GREM1: variants seen among roughly 807,000 people sequenced by gnomAD.
GREM1 encodes gremlin 1, DAN family BMP antagonist.
A neutral mutation model predicts 13.1 loss-of-function variants in GREM1; 6 were observed. That is an observed-to-expected ratio of 0.46 (90% confidence interval 0.25 to 0.91). The LOEUF (loss-of-function observed/expected upper bound fraction) is 0.91, where lower values mean the gene tolerates loss of function less well. Among genes scored for constraint, GREM1 ranks in the 40% least tolerant of loss-of-function variants. The pLI, the probability that GREM1 is intolerant of heterozygous loss-of-function variation, is 0.18. For missense variants in GREM1, 185 were observed against 233.9 expected, an observed-to-expected ratio of 0.79 and a Z score of 1.36; for synonymous variants, 98 against 93.7, an observed-to-expected ratio of 1.05 and a Z score of -0.27.
chr15:32,730,946 C>A lies in GREM1; in HGVS notation c.256C>A (p.Arg86Ser). The A allele has an allele frequency of 6.2e-7, 1 of 1,614,062 alleles. No individual in the cohort carries two copies. The highest frequency in any genetic ancestry group is 1.3e-5 in the African/African-American group (1 of 75,024). Residue 86 changes from arginine (R) to serine (S), a missense_variant, in exon 2 of 2, where the codon CGC becomes AGC. Transcript: ENST00000651154. ...CCAAGAGGCCCTGCATGTGACGGAGCGCAAATACCTGAAGCGAGACTGGTG... is the reference window on the plus strand; with the variant it reads ...CCAAGAGGCCCTGCATGTGACGGAGAGCAAATACCTGAAGCGAGACTGGTG... ...SSQEALHVTE[R>S]KYLKRDWCKT...
At position 32,735,392 on chromosome 15, in the gene GREM1, C is replaced by T. The variant is rs188473222; in HGVS notation, c.*4147C>T. ...AGTGAGGTAGGTACCATTATCACTG[C>T]TAGAAAGCAGTGAACTTATATGGTC... On this transcript the variant is annotated 3_prime_UTR_variant, in exon 2 of 2. Coordinates refer to ENST00000651154, the MANE Select transcript of GREM1 (RefSeq NM_013372.7). The T allele has an allele frequency of 6.6e-6, 1 of 152,252 alleles. No individual in the cohort carries two copies. Among genetic ancestry groups the T allele is most frequent in the East Asian group, 1.9e-4 (1 of 5,186 alleles). The allele number at this position is 152,252 out of a possible 1,614,324, so 9.4% of individuals were successfully genotyped here. A position where few individuals can be genotyped will look rare whatever the true frequency, so the allele number is the denominator to read the frequency against.
rs1167331891 is a variant in GREM1 at position 32,745,057 on chromosome 15, T to G, written c.*13812T>G. The G allele has an allele frequency of 3.3e-5, 5 of 152,182 alleles. No individual in the cohort carries two copies. The highest frequency in any genetic ancestry group is 2.6e-4 in the Admixed American group (4 of 15,278). The allele number at this position is 152,182 out of a possible 1,614,324, so 9.4% of individuals were successfully genotyped here. A position where few individuals can be genotyped will look rare whatever the true frequency, so the allele number is the denominator to read the frequency against. On this transcript the variant is annotated 3_prime_UTR_variant, in exon 2 of 2. Coordinates refer to ENST00000651154, the MANE Select transcript of GREM1 (RefSeq NM_013372.7). ...AGATAGATATTTAAATGACCCCTAT[T>G]TTAGTGGTAAACAAGCTGAAATTAG... is the stretch of plus-strand genomic sequence containing the variant.
In GREM1 at chr15:32,743,328, T is replaced by A. The variant is rs1040400859; in HGVS notation, c.*12083T>A. The A allele has an allele frequency of 6.6e-6, 1 of 152,166 alleles. No individual in the cohort carries two copies. The highest frequency in any genetic ancestry group is 2.4e-5 in the African/African-American group (1 of 41,462). The allele number at this position is 152,166 out of a possible 1,614,324, so 9.4% of individuals were successfully genotyped here. On this transcript the variant is annotated 3_prime_UTR_variant, in exon 2 of 2. Coordinates refer to ENST00000651154, the MANE Select transcript of GREM1 (RefSeq NM_013372.7). ...TTTCCCAGGTATATGGATGAAACTA[T>A]CTGAAGGATGAAGCCTCCATTCACA...
chr15:32,730,568 A>T lies in GREM1; in HGVS notation c.-1-122A>T, dbSNP rs552325484. 6 of 674,828 alleles carry T rather than the reference A, an allele frequency of 8.9e-6. No individual in the cohort carries two copies. The South Asian group carries it at 1.1e-4, about 12-fold the overall frequency. The allele number at this position is 674,828 out of a possible 1,614,324, so 41.8% of individuals were successfully genotyped here. ...ATTCATACAGGTACTGTGAGAAGTA[A>T]ATGGAATATTTCACGTTAAGTGTTT... On this transcript the variant is annotated intron_variant, in intron 1 of 1. Coordinates refer to ENST00000651154, the MANE Select transcript of GREM1 (RefSeq NM_013372.7).
At chr15:32,726,304 C>T (rs368857662) in intron 1 of GREM1, among the ~76,000 whole-genome samples, 35 of 152,172 alleles carry the variant, frequency 2.3e-4, no homozygotes, top group African/African-American at 7.7e-4. Context: ...TCTGTCAGAC[C>T]CCAGTGCAAT....
In GREM1 at chr15:32,744,003, A is replaced by T. The variant is rs765425438; in HGVS notation, c.*12758A>T. On this transcript the variant is annotated 3_prime_UTR_variant, in exon 2 of 2. Transcript: ENST00000651154. ...CAAGGATTGACAGCCATGACAGCAC[A>T]GTGCCTTTCATGACTTACTCTCCAA... 2.0e-5 allele frequency: 3 copies of T among 152,188 alleles called. No homozygotes were observed. Among genetic ancestry groups the T allele is most frequent in the Non-Finnish European group, 4.4e-5 (3 of 68,034 alleles). The allele number at this position is 152,188 out of a possible 1,614,324, so 9.4% of individuals were successfully genotyped here.
rs1269412671 is a variant in GREM1, at chr15:32,742,921, A to G, written c.*11676A>G. 1.3e-5 allele frequency: 2 copies of G among 152,272 alleles called. No individual in the cohort carries two copies. The highest frequency in any genetic ancestry group is 2.4e-5 in the African/African-American group (1 of 41,476). 9.4% of individuals were successfully genotyped at this position (152,272 alleles called of 1,614,324 possible). Reference sequence around the variant, plus strand: ...TGAAACAGTAAAACTCCTAGAAGTAAACAGAAGAGAAAGTTTCATGACATT... The same window carrying G: ...TGAAACAGTAAAACTCCTAGAAGTAGACAGAAGAGAAAGTTTCATGACATT... On this transcript the variant is annotated 3_prime_UTR_variant, in exon 2 of 2. Transcript: ENST00000651154.
chr15:32,721,225 A>G (rs2055400737), intron 1 of GREM1, among the ~76,000 whole-genome samples: 1 of 152,198 alleles, frequency 6.6e-6, no homozygotes. Flanking sequence ...GTGACCTTGG[A>G]CAAATTTCCA....
intron 1 of GREM1, 80 bp from the exon 2 acceptor site, chr15:32,730,610 G>A (rs911663464): frequency 1.1e-6 from 1 of 944,014 alleles, no homozygotes; most frequent in Non-Finnish European, 1.6e-6. Context: ...GCGTTTAAAT[G>A]CTAGGTGCTA....
Position 32,733,488 on chromosome 15 carries a change from A to G in GREM1, c.*2243A>G, listed in dbSNP as rs539219397. 1 of 232,374 alleles carries G rather than the reference A, an allele frequency of 4.3e-6. No homozygotes were observed. The highest frequency in any genetic ancestry group is 9.2e-6 in the Non-Finnish European group (1 of 108,130). 14.4% of individuals were successfully genotyped at this position (232,374 alleles called of 1,614,324 possible). A position where few individuals can be genotyped will look rare whatever the true frequency, so the allele number is the denominator to read the frequency against. ...AGGAGCTTGTACCACAGTCTTGCACATAAGTGCAGATTTGGCTCAAGTAAA... is the reference window on the plus strand; with the variant it reads ...AGGAGCTTGTACCACAGTCTTGCACGTAAGTGCAGATTTGGCTCAAGTAAA... On this transcript the variant is annotated 3_prime_UTR_variant, in exon 2 of 2. Coordinates refer to ENST00000651154, the MANE Select transcript of GREM1 (RefSeq NM_013372.7).
Position 32,721,742 on chromosome 15 carries a change from T to TA in GREM1, c.-2+3592dup, listed in dbSNP as rs569952063. 2.4e-4 allele frequency among the ~76,000 whole-genome samples: 35 copies of TA among 147,976 alleles called. No individual in the cohort carries two copies. In the East Asian group the frequency reaches 3.9e-3, roughly 17 times the overall value. ...GCACTCCAGCCTGGGTGACATCTCT[T>TA]AAAAAAAAAAATCCTGAATACCACA... On this transcript the variant is annotated intron_variant, in intron 1 of 1. Transcript: ENST00000651154.
intron 1 of GREM1, among the ~76,000 whole-genome samples, chr15:32,724,443 G>A (rs2055462405): frequency 6.6e-6 from 1 of 152,220 alleles, no homozygotes; most frequent in Non-Finnish European, 1.5e-5. Flanking sequence ...GAAATGGGGA[G>A]CAACTGAATT....
Position 32,727,976 on chromosome 15 carries a change from T to A in GREM1, c.-1-2714T>A, listed in dbSNP as rs577566572. 7.9e-5 allele frequency among the ~76,000 whole-genome samples: 12 copies of A among 152,186 alleles called. No individual in the cohort carries two copies. The East Asian group carries it at 2.3e-3, about 29-fold the overall frequency. On this transcript the variant is annotated intron_variant, in intron 1 of 1. Transcript: ENST00000651154. ...GAGAACTACAGACCACTGCTCAAGG[T>A]AATAAGAGAGGACACAAACAAATGG...
chr15:32,727,279 C>T (rs889320271), intron 1 of GREM1, among the ~76,000 whole-genome samples: 2 of 151,798 alleles, frequency 1.3e-5, no homozygotes, highest in African/African-American at 4.8e-5. Context: ...GGCAGCACAT[C>T]AAAAAGCTTA....
chr15:32,732,753 G>A lies in GREM1; in HGVS notation c.*1508G>A. The A allele has an allele frequency of 4.3e-6, 1 of 232,130 alleles. No homozygotes were observed. 14.4% of individuals were successfully genotyped at this position (232,130 alleles called of 1,614,324 possible). ...TGATTAAACTTGGCCTACTGGCAAT[G>A]GCTACTTAGGATTGATCTAAGGGCC... On this transcript the variant is annotated 3_prime_UTR_variant, in exon 2 of 2. Coordinates refer to ENST00000651154, the MANE Select transcript of GREM1 (RefSeq NM_013372.7).
Position 32,720,640 on chromosome 15 carries a change from T to A in GREM1, c.-2+2479T>A, listed in dbSNP as rs575716958. On this transcript the variant is annotated intron_variant, in intron 1 of 1. Coordinates refer to ENST00000651154, the MANE Select transcript of GREM1 (RefSeq NM_013372.7). ...AATTTTCTTTAGTTTTAACATATGC[T>A]CTTAGAAATTCAAAGTACAACAGGA... Among the ~76,000 whole-genome samples, 8 of 152,366 alleles carry A rather than the reference T, an allele frequency of 5.3e-5. No individual in the cohort carries two copies. In the East Asian group the frequency reaches 1.5e-3, roughly 29 times the overall value.
At position 32,743,862 on chromosome 15, in the gene GREM1, A is replaced by C. The variant is rs2140772805; in HGVS notation, c.*12617A>C. 6.6e-6 allele frequency: 1 copy of C among 152,198 alleles called. No individual in the cohort carries two copies. Among genetic ancestry groups the C allele is most frequent in the African/African-American group, 2.4e-5 (1 of 41,520 alleles). 9.4% of individuals were successfully genotyped at this position (152,198 alleles called of 1,614,324 possible). ...ATCCTTGCAGAACAACCCTATTAGC[A>C]GTTCTGCAAGGATTTTTAGGAACCG... On this transcript the variant is annotated 3_prime_UTR_variant, in exon 2 of 2. Coordinates refer to ENST00000651154, the MANE Select transcript of GREM1 (RefSeq NM_013372.7).
rs1033537501 is a variant in GREM1, at chr15:32,737,313, A to G, written c.*6068A>G. The G allele has an allele frequency of 1.3e-5, 2 of 152,216 alleles. No individual in the cohort carries two copies. Among genetic ancestry groups the G allele is most frequent in the African/African-American group, 4.8e-5 (2 of 41,452 alleles). 9.4% of individuals were successfully genotyped at this position (152,216 alleles called of 1,614,324 possible). ...CTTGATACCAAATTCTGACAAATACATCAAAAATAAAACCATAGACCAATA... is the reference window on the plus strand; with the variant it reads ...CTTGATACCAAATTCTGACAAATACGTCAAAAATAAAACCATAGACCAATA... On this transcript the variant is annotated 3_prime_UTR_variant, in exon 2 of 2. Transcript: ENST00000651154.
rs779454972 is a variant in GREM1, at chr15:32,730,794, C to G, written c.104C>G (p.Pro35Arg). The G allele has an allele frequency of 1.2e-6, 2 of 1,613,736 alleles. No individual in the cohort carries two copies. The highest frequency in any genetic ancestry group is 1.3e-5 in the African/African-American group (1 of 74,906). ...KKKGSQGAIP[P>R]PDKAQHNDSE... ...AAAGGGTCCCAAGGTGCCATCCCCC[C>G]GCCAGACAAGGCCCAGCACAATGAC... The change falls in exon 2 of 2, where the codon CCG (proline) becomes CGG (arginine). Residue 35 changes from proline (P) to arginine (R), a missense_variant. Physicochemically the swap from Pro to Arg is moderately radical, Grantham distance 103. Transcript: ENST00000651154.
Sources: allele counts gnomAD v4.1 joint callset (sites outside exome capture counted in the v4.1 genomes callset), GRCh38; gene constraint gnomAD v4.1.1; transcripts MANE v1.5; gene names NCBI Gene and HGNC (gene_info 2026-07-23, HGNC 2026-07-21).